CEP83: variants seen among roughly 807,000 people sequenced by gnomAD.
The protein encoded by CEP83 is centrosomal protein 83.
CEP83 carries 70 observed loss-of-function variants against 101.9 expected under a neutral mutation model. The ratio of observed to expected loss-of-function variants is 0.69; its 90% CI spans 0.57 to 0.84. The LOEUF is 0.84. CEP83 is among the 40% of genes least tolerant of loss of function. The pLI is 0.00. For missense variants in CEP83, 715 were observed against 787.2 expected, an observed-to-expected ratio of 0.91 and a Z score of 1.10; for synonymous variants, 264 against 267.9, an observed-to-expected ratio of 0.99 and a Z score of 0.14.
At chr12:94,361,437 G>A (rs1057362449) in intron 11 of CEP83, 1 of 151,950 alleles carries the variant, frequency 6.6e-6, no homozygotes, top group Non-Finnish European at 1.5e-5. Flanking sequence ...AAATAGAGTG[G>A]GTCAAAACTC....
the CEP83 span, among the ~76,000 whole-genome samples, chr12:94,274,348 A>G: frequency 0.033 from 4,963 of 151,936 alleles, 170 homozygotes; most frequent in African/African-American, 0.083. Context: ...AAAGAAAGAA[A>G]GAAAACCCTT....
chr12:94,369,624 A>C (rs1255856874), intron 9 of CEP83: 1 of 204,694 alleles, frequency 4.9e-6, no homozygotes, highest in Non-Finnish European at 9.7e-6. Flanking sequence ...GGGACTAATA[A>C]CTACACCATA....
At chr12:94,412,658 C>T in intron 2 of CEP83, 67 bp from the exon 3 acceptor site, 2 of 424,756 alleles carry the variant, frequency 4.7e-6, no homozygotes, top group Non-Finnish European at 8.2e-6. Flanking sequence ...TTTAATGTTA[C>T]ATATTTTTAT....
downstream of CEP83, among the ~76,000 whole-genome samples, chr12:94,303,048 T>C (rs1215612660): frequency 6.6e-6 from 1 of 152,234 alleles, no homozygotes; most frequent in Admixed American, 6.5e-5. Flanking sequence ...TTAACTTACC[T>C]ATCTTCCCTG....
chr12:94,327,779 C>A (rs2059033245), intron 14 of CEP83, among the ~76,000 whole-genome samples: 1 of 152,192 alleles, frequency 6.6e-6, no homozygotes, highest in African/African-American at 2.4e-5. Context: ...AGCCCCAATT[C>A]TAGACTTCTT....
At chr12:94,311,889 G>A (rs1969920228) in intron 15 of CEP83, among the ~76,000 whole-genome samples, 1 of 152,126 alleles carries the variant, frequency 6.6e-6, no homozygotes. Flanking sequence ...TAATGTTTAT[G>A]GAAGAGGAAG....
chr12:94,346,650 C>A (rs1316594168), intron 11 of CEP83, among the ~76,000 whole-genome samples: 4 of 152,150 alleles, frequency 2.6e-5, no homozygotes, highest in Non-Finnish European at 5.9e-5. Flanking sequence ...AGCCTTCAAC[C>A]CGCAGGATCT....
rs61711474 is a variant in CEP83 at position 94,421,709 on chromosome 12, T to G, written c.-101-9118A>C. Among the ~76,000 whole-genome samples the G allele has an allele frequency of 7.0e-3, 1,066 of 152,316 alleles. 7 individuals are homozygous for G. Among genetic ancestry groups the G allele is most frequent in the African/African-American group, 0.024 (992 of 41,566 alleles). ...TGTGTGAACATCAAAGAATGTACGG[T>G]ACTTACACAAACCTAGATGATATCG... On this transcript the variant is annotated intron_variant, in intron 2 of 16. Coordinates refer to ENST00000397809, the MANE Select transcript of CEP83 (RefSeq NM_016122.3).
At chr12:94,375,620 T>C (rs2061494129) in intron 8 of CEP83, among the ~76,000 whole-genome samples, 1 of 152,130 alleles carries the variant, frequency 6.6e-6, no homozygotes, top group Non-Finnish European at 1.5e-5. Flanking sequence ...CTGCATGTAT[T>C]TGGAAGGTAG....
the CEP83 span, among the ~76,000 whole-genome samples, chr12:94,275,772 G>A: frequency 4.1e-5 from 4 of 97,716 alleles, 1 homozygote; most frequent in African/African-American, 1.7e-4. Flanking sequence ...GGAGAATGGC[G>A]TGAACCCGGG....
intron 14 of CEP83, among the ~76,000 whole-genome samples, chr12:94,329,110 A>G (rs2059097820): frequency 6.6e-6 from 1 of 152,200 alleles, no homozygotes; most frequent in African/African-American, 2.4e-5. Context: ...TTTCACTATG[A>G]CTTAAATCAC....
intron 1 of CEP83, among the ~76,000 whole-genome samples, chr12:94,441,914 CAAAAAAA>C (rs370968833): frequency 1.6e-5 from 1 of 61,848 alleles, no homozygotes. Context: ...GACTCCGTCT[CAAAAAAA>C]AAAAAAAAAA....
chr12:94,317,539 A>G (rs1296652711), intron 14 of CEP83, among the ~76,000 whole-genome samples: 1 of 152,072 alleles, frequency 6.6e-6, no homozygotes, highest in Admixed American at 6.5e-5. Context: ...GTGTTTTTAT[A>G]GTTTTGGATT....
intron 2 of CEP83, among the ~76,000 whole-genome samples, chr12:94,434,364 G>A (rs1374031277): frequency 6.6e-6 from 1 of 152,108 alleles, no homozygotes; most frequent in African/African-American, 2.4e-5. Context: ...ATGTTTACAT[G>A]GAAATTCTTT....
At chr12:94,280,403 C>T in the CEP83 span, among the ~76,000 whole-genome samples, 14 of 152,190 alleles carry the variant, frequency 9.2e-5, no homozygotes, top group Admixed American at 1.3e-4. Context: ...CCTTGATGTA[C>T]AGTTATAGGC....
chr12:94,376,008 GT>G lies in CEP83; in HGVS notation c.810del (p.Lys270AsnfsTer25). 6.4e-7 allele frequency: 1 copy of G among 1,553,246 alleles called. No individual in the cohort carries two copies. Among genetic ancestry groups the G allele is most frequent in the Admixed American group, 1.9e-5 (1 of 53,098 alleles). On this transcript the variant is annotated frameshift_variant, in exon 8 of 17. Transcript: ENST00000397809. LOFTEE classifies it high-confidence loss of function. ...CGTTCTGCCCGTAAATTAGCTGATT[GT>G]TTTTCAGCCTTTCATACAAACAAAA... ...QATVRSLEAE[K>X]QSANLRAERL...
intron 6 of CEP83, among the ~76,000 whole-genome samples, chr12:94,389,520 G>C (rs1235857415): frequency 1.3e-5 from 2 of 152,164 alleles, no homozygotes; most frequent in Non-Finnish European, 2.9e-5. Context: ...TGGCCAACTA[G>C]GAACAGCTCC....
At chr12:94,458,505 G>A (rs900378896) in intron 1 of CEP83, among the ~76,000 whole-genome samples, 21 of 152,022 alleles carry the variant, frequency 1.4e-4, no homozygotes, top group Admixed American at 2.6e-4. Flanking sequence ...TTGGGAGGCC[G>A]AGGTGGGCGG....
At chr12:94,443,207 C>T (rs978637424) in intron 1 of CEP83, among the ~76,000 whole-genome samples, 2 of 151,844 alleles carry the variant, frequency 1.3e-5, no homozygotes, top group Non-Finnish European at 2.9e-5. Flanking sequence ...TTACAGACCC[C>T]CAGGACCCCT....
Sources: gnomAD v4.1 joint callset for allele counts (sites outside exome capture counted in the v4.1 genomes callset) on GRCh38, gnomAD v4.1.1 for gene constraint, MANE v1.5 for transcripts, NCBI Gene and HGNC (gene_info 2026-07-23, HGNC 2026-07-21) for gene names.